Variants in BPI observed in about 807,000 individuals in gnomAD.
The protein encoded by BPI is bactericidal permeability increasing protein, also known as bactericidal permeability-increasing protein.
In BPI, 48 loss-of-function variants were observed where a neutral mutation model predicts 57.6. The observed-to-expected ratio is 0.83, with a 90% CI of 0.66 to 1.06. The LOEUF (loss-of-function observed/expected upper bound fraction) is 1.06. BPI is among the 50% of genes least tolerant of loss of function. BPI has a pLI of 0.00. For synonymous variants in BPI, 237 were observed against 238.2 expected, an observed-to-expected ratio of 0.99 and a Z score of 0.05; for missense variants, 651 against 609.7, an observed-to-expected ratio of 1.07 and a Z score of -0.71.
At chr20:38,330,930 G>A (rs1401790499) in intron 11 of BPI, 118 bp from the exon 12 acceptor site, 3 of 1,178,892 alleles carry the variant, frequency 2.5e-6, no homozygotes, top group African/African-American at 3.0e-5. Context: ...AAGGGGAGTG[G>A]ATACTGGGTG....
chr20:38,327,656 G>C lies in BPI; in HGVS notation c.1229+1G>C. The C allele has an allele frequency of 6.2e-7, 1 of 1,613,554 alleles. No individual in the cohort carries two copies. The highest frequency in any genetic ancestry group is 8.5e-7 in the Non-Finnish European group (1 of 1,179,606). The stretch of plus-strand genomic sequence containing the variant: ...TTGTTGGAGAGCTCAAGCTGGATAG[G>C]TAAGTGGGCCTGTGAGAGGAGGAGG... On this transcript the variant is annotated splice_donor_variant, in intron 11 of 14. Transcript: ENST00000642449. LOFTEE classifies it high-confidence loss of function.
At chr20:38,321,144 GAT>G (rs2076682475) in intron 7 of BPI, among the ~76,000 whole-genome samples, 2 of 77,120 alleles carry the variant, frequency 2.6e-5, no homozygotes, top group Non-Finnish European at 5.2e-5. Flanking sequence ...TGTATTGGTG[GAT>G]GGATGGATGG....
In BPI at chr20:38,308,960, T is replaced by C. The variant is rs746695936; in HGVS notation, c.276T>C (p.Ser92=). The change falls in exon 3 of 15, where the codon AGT becomes AGC. Residue 92 remains serine, a synonymous_variant. Transcript: ENST00000642449. ...SMDIREFQLP[S]SQISMVPNVG... ...ACATCCGTGAATTCCAGCTTCCCAGTTCCCAGATAAGCATGGTGCCCAATG... is the reference window on the plus strand; with the variant it reads ...ACATCCGTGAATTCCAGCTTCCCAGCTCCCAGATAAGCATGGTGCCCAATG... 1.5e-5 allele frequency: 25 copies of C among 1,614,124 alleles called. No individual in the cohort carries two copies. Among genetic ancestry groups the C allele is most frequent in the East Asian group, 2.2e-5 (1 of 44,904 alleles).
Position 38,323,891 on chromosome 20 carries a change from C to T in BPI, c.778C>T (p.His260Tyr), listed in dbSNP as rs1376043734. 1.2e-6 allele frequency: 2 copies of T among 1,614,000 alleles called. No homozygotes were observed. The highest frequency in any genetic ancestry group is 8.5e-7 in the Non-Finnish European group (1 of 1,180,000). Residue 260 changes from histidine to tyrosine, a missense_variant, in exon 8 of 15, where the codon CAC becomes TAC. Physicochemically the swap from His to Tyr is moderately conservative, Grantham distance 83. Transcript: ENST00000642449. ...CCAGGGGGAGTTTTACAGTGAGAAC[C>T]ACCACAATCCACCTCCCTTTGCTCC... Reference protein sequence around the residue: ...QMKGEFYSENHHNPPPFAPPV... With the variant: ...QMKGEFYSENYHNPPPFAPPV...
intron 9 of BPI, 40 bp from the exon 10 acceptor site, chr20:38,326,225 A>C: frequency 6.3e-7 from 1 of 1,580,788 alleles, no homozygotes. Context: ...TTTTAACAGA[A>C]ACTCCTCCTT....
intron 14 of BPI, 149 bp from the exon 15 acceptor site, chr20:38,336,997 G>C: frequency 1.5e-6 from 1 of 674,590 alleles, no homozygotes; most frequent in Non-Finnish European, 2.5e-6. Context: ...GATCCGGGCA[G>C]CGAAACACTG....
chr20:38,334,474 T>TG lies in BPI; in HGVS notation c.1318dup (p.Val440GlyfsTer6), dbSNP rs767815491. Reference sequence around the variant, plus strand: ...TCATGAACTACATTGTACCCATTCTTGTGCTGCCCAGGGTTAACGGTAAGG... The same window carrying TG: ...TCATGAACTACATTGTACCCATTCTTGGTGCTGCCCAGGGTTAACGGTAAGG... On this transcript the variant is annotated frameshift_variant, in exon 13 of 15. Transcript: ENST00000642449. LOFTEE classifies it high-confidence loss of function. 1.8e-5 allele frequency: 29 copies of TG among 1,613,744 alleles called. No individual in the cohort carries two copies. Among genetic ancestry groups the TG allele is most frequent in the Non-Finnish European group, 2.5e-5 (29 of 1,179,730 alleles).
At chr20:38,326,234 T>C (rs748433790) in intron 9 of BPI, 31 bp from the exon 10 acceptor site, 2 of 1,590,456 alleles carry the variant, frequency 1.3e-6, no homozygotes, top group Admixed American at 3.5e-5. Flanking sequence ...AAACTCCTCC[T>C]TTCGTTGATT....
chr20:38,327,753 G>A, intron 11 of BPI, 98 bp downstream of exon 11: 1 of 1,390,564 alleles, frequency 7.2e-7, no homozygotes, highest in Non-Finnish European at 1.0e-6. Context: ...CTGCATTGTT[G>A]TTTTCCTGTT....
intron 13 of BPI, chr20:38,335,344 G>A (rs2076762169): frequency 1.8e-6 from 1 of 557,208 alleles, no homozygotes; most frequent in Admixed American, 3.1e-5. Context: ...CAGCAGTGCT[G>A]CACCCTCAGG....
In BPI at chr20:38,327,764, G is replaced by A. The variant is rs1431087277; in HGVS notation, c.1229+109G>A. 4 of 1,301,808 alleles carry A rather than the reference G, an allele frequency of 3.1e-6. No individual in the cohort carries two copies. In the African/African-American group the frequency reaches 5.9e-5, roughly 19 times the overall value. 80.6% of individuals were successfully genotyped at this position (1,301,808 alleles called of 1,614,324 possible). On this transcript the variant is annotated intron_variant, in intron 11 of 14. Transcript: ENST00000642449. ...AGCACTGCATTGTTGTTTTCCTGTTGGCTCATCACATTAAAACCTCAAAGA... is the reference window on the plus strand; with the variant it reads ...AGCACTGCATTGTTGTTTTCCTGTTAGCTCATCACATTAAAACCTCAAAGA...
rs374237829 is a variant in BPI at position 38,311,940 on chromosome 20, A to T, written c.600+3A>T. ...TTCGAAACAAGATGAACAGCCAGGT[A>T]GGAGGGGCTCAGAGCCCCATCAGCA... On this transcript the variant is annotated splice_donor_region_variant and intron_variant, in intron 5 of 14. Coordinates refer to ENST00000642449, the MANE Select transcript of BPI (RefSeq NM_001725.3). 1 of 1,613,838 alleles carries T rather than the reference A, an allele frequency of 6.2e-7. No individual in the cohort carries two copies. The highest frequency in any genetic ancestry group is 8.5e-7 in the Non-Finnish European group (1 of 1,179,962).
At chr20:38,305,313 A>C (rs1191531262) in intron 1 of BPI, among the ~76,000 whole-genome samples, 1 of 152,200 alleles carries the variant, frequency 6.6e-6, no homozygotes, top group Non-Finnish European at 1.5e-5. Context: ...GTCGACACAG[A>C]GGCTCAGTCA....
At chr20:38,312,003 C>G in intron 5 of BPI, 66 bp downstream of exon 5, 1 of 1,494,914 alleles carries the variant, frequency 6.7e-7, no homozygotes, top group Non-Finnish European at 9.3e-7. Context: ...ACACACCTCC[C>G]CCTTCTACGG....
chr20:38,334,911 C>T (rs887599150), intron 13 of BPI, among the ~76,000 whole-genome samples: 13 of 152,112 alleles, frequency 8.5e-5, no homozygotes, highest in Non-Finnish European at 1.8e-4. Context: ...TCCCTGATAA[C>T]CCCTCCCAGA....
At chr20:38,310,202 G>C (rs963331422) in intron 3 of BPI, among the ~76,000 whole-genome samples, 1 of 152,206 alleles carries the variant, frequency 6.6e-6, no homozygotes, top group Non-Finnish European at 1.5e-5. Context: ...GGAAATGGAA[G>C]CTCAGAGAGG....
chr20:38,316,475 T>A (rs2076652555), intron 5 of BPI, among the ~76,000 whole-genome samples: 1 of 152,212 alleles, frequency 6.6e-6, no homozygotes, highest in African/African-American at 2.4e-5. Flanking sequence ...AAGTAAGGCC[T>A]GGGTACTGGC....
intron 1 of BPI, 48 bp from the exon 2 acceptor site, chr20:38,307,519 C>G: frequency 7.0e-7 from 1 of 1,438,780 alleles, no homozygotes; most frequent in Non-Finnish European, 9.5e-7. Context: ...CCTCTGTCCC[C>G]TGCTCCAGGC....
intron 8 of BPI, 30 bp downstream of exon 8, chr20:38,324,076 A>G: frequency 6.2e-7 from 1 of 1,609,358 alleles, no homozygotes; most frequent in Non-Finnish European, 8.5e-7. Flanking sequence ...GGGTGTGGGA[A>G]GAGCACTGGA....
Sources: gnomAD v4.1 joint callset for allele counts (sites outside exome capture counted in the v4.1 genomes callset) on GRCh38, gnomAD v4.1.1 for gene constraint, MANE v1.5 for transcripts, NCBI Gene and HGNC (gene_info 2026-07-23, HGNC 2026-07-21) for gene names.